The following PPP2R2B variants were observed in gnomAD, a reference collection of about 807,000 sequenced individuals.
PPP2R2B encodes the protein serine/threonine-protein phosphatase 2A 55 kDa regulatory subunit B beta isoform.
A neutral mutation model predicts 46.0 loss-of-function variants in PPP2R2B; 5 were observed. The ratio of observed to expected loss-of-function variants is 0.11; its 90% CI spans 0.06 to 0.23. PPP2R2B has a LOEUF of 0.23. Ranked by LOEUF, PPP2R2B falls within the 10% of genes least tolerant of loss-of-function variation. The pLI, the probability that PPP2R2B is intolerant of heterozygous loss-of-function variation, is 1.00. For synonymous variants in PPP2R2B, 215 were observed against 206.7 expected (o/e 1.04, Z -0.34); for missense variants, 367 against 575.0 (o/e 0.64, Z 3.70).
chr5:146,979,764 TAAC>T (rs1208211814), intron 1 of PPP2R2B, among the ~76,000 whole-genome samples: 7 of 152,152 alleles, frequency 4.6e-5, no homozygotes, highest in African/African-American at 1.2e-4. Context: ...AGTCAGAGAT[TAAC>T]AACAATAACT....
chr5:146,857,992 G>A (rs1347920473), intron 2 of PPP2R2B, among the ~76,000 whole-genome samples: 2 of 152,144 alleles, frequency 1.3e-5, no homozygotes, highest in East Asian at 1.9e-4. Flanking sequence ...CCAGCCAACT[G>A]TACTAACATT....
intron 1 of PPP2R2B, among the ~76,000 whole-genome samples, chr5:146,900,836 C>A (rs1202431352): frequency 8.0e-4 from 121 of 151,830 alleles, no homozygotes; most frequent in Non-Finnish European, 1.3e-4. Context: ...TATTGTTCCC[C>A]TCCCTGTGTT....
intron 6 of PPP2R2B, 49 bp from the exon 7 acceptor site, chr5:146,638,464 TG>T: frequency 1.3e-6 from 2 of 1,516,538 alleles, no homozygotes; most frequent in South Asian, 1.3e-5. Flanking sequence ...GGCAGGAACT[TG>T]GGGAAGGGGA....
intron 5 of PPP2R2B, among the ~76,000 whole-genome samples, chr5:146,667,078 T>G (rs1173456313): frequency 6.6e-6 from 1 of 152,132 alleles, no homozygotes; most frequent in African/African-American, 2.4e-5. Context: ...AATTGGATTT[T>G]TCTGTCTAAT....
intron 2 of PPP2R2B, among the ~76,000 whole-genome samples, chr5:146,775,195 A>G (rs1306434133): frequency 6.6e-6 from 1 of 152,206 alleles, no homozygotes; most frequent in Non-Finnish European, 1.5e-5. Context: ...CAAGCAAAGA[A>G]AACTATAAAC....
intron 7 of PPP2R2B, among the ~76,000 whole-genome samples, chr5:146,636,665 T>C (rs1774845456): frequency 6.6e-6 from 1 of 152,166 alleles, no homozygotes; most frequent in Admixed American, 6.5e-5. Flanking sequence ...CTGGATACTA[T>C]GGGAACCAGA....
At chr5:146,848,580 C>T (rs552447625) in intron 2 of PPP2R2B, among the ~76,000 whole-genome samples, 2 of 152,098 alleles carry the variant, frequency 1.3e-5, no homozygotes, top group Admixed American at 1.3e-4. Context: ...AGATAAAGTG[C>T]CATTTCCATC....
At chr5:146,770,062 C>G (rs577641980) in intron 2 of PPP2R2B, among the ~76,000 whole-genome samples, 4 of 151,932 alleles carry the variant, frequency 2.6e-5, no homozygotes, top group Admixed American at 6.6e-5. Context: ...GGTGTAGTGG[C>G]TCATGCCTGT....
At chr5:147,043,447 C>G (rs1280301943) in intron 1 of PPP2R2B, among the ~76,000 whole-genome samples, 1 of 152,042 alleles carries the variant, frequency 6.6e-6, no homozygotes, top group Non-Finnish European at 1.5e-5. Context: ...CGGTCGTCAG[C>G]AAGCCAAGGA....
At chr5:146,697,842 G>A in intron 4 of PPP2R2B, 137 bp downstream of exon 4, 1 of 787,342 alleles carries the variant, frequency 1.3e-6, no homozygotes, top group South Asian at 2.2e-5. Context: ...CAGGCACTCT[G>A]CTAAGCATCT....
intron 1 of PPP2R2B, among the ~76,000 whole-genome samples, chr5:147,009,896 CACAT>C (rs1005194658): frequency 9.7e-5 from 14 of 144,682 alleles, no homozygotes; most frequent in African/African-American, 3.6e-4. Context: ...CACACACACA[CACAT>C]ATATATATAG....
intron 1 of PPP2R2B, among the ~76,000 whole-genome samples, chr5:146,898,057 A>T (rs2915837): frequency 0.5 from 75,304 of 151,936 alleles, 20,857 homozygotes; most frequent in African/African-American, 0.73. Context: ...TGGTGGCAGG[A>T]GCCTGTAATC....
intron 6 of PPP2R2B, among the ~76,000 whole-genome samples, chr5:146,643,183 C>A (rs184195856): frequency 1.1e-4 from 17 of 148,492 alleles, no homozygotes; most frequent in African/African-American, 3.0e-4. Flanking sequence ...CACACACACA[C>A]GAGAGAGAGA....
intron 6 of PPP2R2B, among the ~76,000 whole-genome samples, chr5:146,642,371 T>C (rs945337363): frequency 6.6e-6 from 1 of 152,090 alleles, no homozygotes; most frequent in South Asian, 2.1e-4. Context: ...TGGTAAGAGG[T>C]AGCATGGGGG....
chr5:146,906,949 C>A (rs1763019791), intron 1 of PPP2R2B, among the ~76,000 whole-genome samples: 1 of 152,142 alleles, frequency 6.6e-6, no homozygotes, highest in South Asian at 2.1e-4. Context: ...GAAGACCAGC[C>A]GAGTTACACT....
chr5:146,693,053 C>T (rs1228797803), intron 4 of PPP2R2B, among the ~76,000 whole-genome samples: 4 of 152,182 alleles, frequency 2.6e-5, no homozygotes, highest in African/African-American at 9.7e-5. Flanking sequence ...CCCACTCTGA[C>T]GCCAGTCACA....
At chr5:146,958,287 T>C (rs1393447146) in intron 1 of PPP2R2B, among the ~76,000 whole-genome samples, 1 of 152,134 alleles carries the variant, frequency 6.6e-6, no homozygotes, top group Non-Finnish European at 1.5e-5. Context: ...CTTTACTCTA[T>C]TGAATTGTCT....
intron 2 of PPP2R2B, among the ~76,000 whole-genome samples, chr5:146,761,175 A>G (rs897059874): frequency 1.7e-4 from 26 of 152,188 alleles, no homozygotes; most frequent in African/African-American, 5.8e-4. Context: ...TATATACCCA[A>G]AGGATTATAA....
At chr5:146,805,848 G>A (rs564445567) in intron 2 of PPP2R2B, among the ~76,000 whole-genome samples, 39 of 152,268 alleles carry the variant, frequency 2.6e-4, no homozygotes, top group Admixed American at 7.8e-4. Context: ...CACCTGACAA[G>A]CAGAGGCCCC....
Sources: allele counts gnomAD v4.1 joint callset (sites outside exome capture counted in the v4.1 genomes callset), GRCh38; gene constraint gnomAD v4.1.1; transcripts MANE v1.5; gene names NCBI Gene and HGNC (gene_info 2026-07-23, HGNC 2026-07-21).